Variants in SLAIN1 observed in about 807,000 individuals in gnomAD.
SLAIN1 encodes the protein SLAIN motif-containing protein 1.
A neutral mutation model predicts 55.4 loss-of-function variants in SLAIN1; 17 were observed. The observed-to-expected ratio is 0.31, with a 90% CI of 0.21 to 0.46. SLAIN1 has a LOEUF of 0.46. Ranked by LOEUF, SLAIN1 falls within the 20% of genes least tolerant of loss-of-function variation. The pLI, the probability that SLAIN1 is intolerant of heterozygous loss-of-function variation, is 1.00. For missense variants in SLAIN1, 682 were observed against 785.1 expected, an observed-to-expected ratio of 0.87 and a Z score of 1.57; for synonymous variants, 348 against 337.4, an observed-to-expected ratio of 1.03 and a Z score of -0.35.
intron 1 of SLAIN1, among the ~76,000 whole-genome samples, chr13:77,709,357 C>T (rs1348076213): frequency 6.6e-6 from 1 of 152,094 alleles, no homozygotes; most frequent in Admixed American, 6.5e-5. Context: ...ATCCAGGAGA[C>T]CTTTCCCAAC....
chr13:77,760,482 C>G (rs560425953), intron 5 of SLAIN1, among the ~76,000 whole-genome samples: 1 of 152,154 alleles, frequency 6.6e-6, no homozygotes, highest in East Asian at 1.9e-4. Context: ...GAACCACCAC[C>G]AAAGCAAGCA....
chr13:77,739,114 C>T (rs966536934), intron 2 of SLAIN1, among the ~76,000 whole-genome samples: 14 of 151,832 alleles, frequency 9.2e-5, no homozygotes, highest in Admixed American at 9.2e-4. Flanking sequence ...TAGTTGGAAA[C>T]CGGAAGATTG....
rs370568244 is a variant in SLAIN1 at position 77,713,358 on chromosome 13, C to T, written c.627-6174C>T. Reference sequence around the variant, plus strand: ...AAAAACAACCCCATCAAAAAGTGGGCGAAGGATATGAACAGACACTTCTCA... The same window carrying T: ...AAAAACAACCCCATCAAAAAGTGGGTGAAGGATATGAACAGACACTTCTCA... On this transcript the variant is annotated intron_variant, in intron 1 of 6. Transcript: ENST00000418532. Among the ~76,000 whole-genome samples, 57 of 152,196 alleles carry T rather than the reference C, an allele frequency of 3.7e-4. 1 individual carries two copies. In the South Asian group the frequency reaches 6.8e-3, roughly 18 times the overall value.
chr13:77,746,737 T>C lies in SLAIN1; in HGVS notation c.1140T>C (p.Ile380=). The change falls in exon 4 of 7, where the codon ATT becomes ATC. Residue 380 remains isoleucine (I), a synonymous_variant. Transcript: ENST00000418532. ...GIPHSQTFSS[I]RECRRSPSSQ... is the part of the protein sequence containing the mutation. Reference sequence around the variant, plus strand: ...CCCATTCACAGACTTTCTCCAGCATTCGGGAGTGTAGGAGGAGCCCCAGTT... The same window carrying C: ...CCCATTCACAGACTTTCTCCAGCATCCGGGAGTGTAGGAGGAGCCCCAGTT... 6.2e-7 allele frequency: 1 copy of C among 1,613,886 alleles called. No individual in the cohort carries two copies. Among genetic ancestry groups the C allele is most frequent in the Non-Finnish European group, 8.5e-7 (1 of 1,179,840 alleles).
At chr13:77,761,469 C>T (rs1213561000) in intron 6 of SLAIN1, among the ~76,000 whole-genome samples, 1 of 152,148 alleles carries the variant, frequency 6.6e-6, no homozygotes, top group Non-Finnish European at 1.5e-5. Context: ...CAGCTCTATC[C>T]AAAAATTGTA....
chr13:77,736,792 C>CTT (rs1368659388), intron 2 of SLAIN1, among the ~76,000 whole-genome samples: 99 of 143,746 alleles, frequency 6.9e-4, no homozygotes, highest in African/African-American at 2.4e-3. Flanking sequence ...CTGCATTAGT[C>CTT]TTTTTTTTTT....
intron 1 of SLAIN1, among the ~76,000 whole-genome samples, chr13:77,706,129 C>A (rs764952914): frequency 6.6e-6 from 1 of 152,106 alleles, no homozygotes; most frequent in Non-Finnish European, 1.5e-5. Context: ...CTAGCTGTTT[C>A]TTTTTCCTAA....
chr13:77,761,039 A>C lies in SLAIN1; in HGVS notation c.1626A>C (p.Ala542=). 1.2e-6 allele frequency: 2 copies of C among 1,614,106 alleles called. No homozygotes were observed. Among genetic ancestry groups the C allele is most frequent in the East Asian group, 2.2e-5 (1 of 44,884 alleles). The change falls in exon 6 of 7, where the codon GCA becomes GCC. Residue 542 remains alanine (A), a synonymous_variant. Coordinates refer to ENST00000418532, the MANE Select transcript of SLAIN1 (RefSeq NM_001242868.2). ...AAASGIMGRS[A]LPRPSLAING... ...CTTCTGGGATAATGGGTCGCAGTGC[A>C]CTCCCAAGACCTTCGTTGGCAATAA... is the stretch of plus-strand genomic sequence containing the variant.
At chr13:77,711,710 C>G (rs1165450766) in intron 1 of SLAIN1, among the ~76,000 whole-genome samples, 1 of 152,152 alleles carries the variant, frequency 6.6e-6, no homozygotes, top group Non-Finnish European at 1.5e-5. Flanking sequence ...AGGGGCTCCT[C>G]CCTAACTCAT....
chr13:77,763,321 T>C lies in SLAIN1; in HGVS notation c.*101T>C. Reference sequence around the variant, plus strand: ...GTGGATGTTGGGATATTCTTTCCCTTTTGTGTTTTAATATATTTACTGCAT... The same window carrying C: ...GTGGATGTTGGGATATTCTTTCCCTCTTGTGTTTTAATATATTTACTGCAT... On this transcript the variant is annotated 3_prime_UTR_variant, in exon 7 of 7. Coordinates refer to ENST00000418532, the MANE Select transcript of SLAIN1 (RefSeq NM_001242868.2). 3.4e-6 allele frequency: 3 copies of C among 889,874 alleles called. No homozygotes were observed. Among genetic ancestry groups the C allele is most frequent in the Non-Finnish European group, 3.6e-6 (2 of 555,600 alleles). The allele number at this position is 889,874 out of a possible 1,614,324, so 55.1% of individuals were successfully genotyped here. A position where few individuals can be genotyped will look rare whatever the true frequency, so the allele number is the denominator to read the frequency against.
chr13:77,760,547 C>A (rs1874935277), intron 5 of SLAIN1, among the ~76,000 whole-genome samples: 1 of 152,194 alleles, frequency 6.6e-6, no homozygotes, highest in Non-Finnish European at 1.5e-5. Context: ...CTTGTGAGAA[C>A]TCAGACATCA....
At chr13:77,708,394 G>A (rs982596053) in intron 1 of SLAIN1, among the ~76,000 whole-genome samples, 3 of 152,198 alleles carry the variant, frequency 2.0e-5, no homozygotes, top group Non-Finnish European at 4.4e-5. Context: ...AGGCAGAGCC[G>A]TGCTTTAGAT....
At position 77,746,675 on chromosome 13, in the gene SLAIN1, C is replaced by T. The variant is rs769592180; in HGVS notation, c.1078C>T (p.Arg360Cys). The T allele has an allele frequency of 7.4e-6, 12 of 1,613,656 alleles. No individual in the cohort carries two copies. The highest frequency in any genetic ancestry group is 4.0e-5 in the African/African-American group (3 of 74,880). The change falls in exon 4 of 7, where the codon CGT becomes TGT. Residue 360 changes from arginine (R) to cysteine (C), a missense_variant. This residue lies in a region of SLAIN1 where 244 missense variants were observed against 295.2 expected (regional missense o/e 0.83). Transcript: ENST00000418532. ...TGATCATTTGCCACCACCTCAGCCT[C>T]GTCTTCCAAGATGTTCCCCTTTCCA... ...EFDHLPPPQP[R>C]LPRCSPFQRG...
intron 2 of SLAIN1, 47 bp from the exon 3 acceptor site, chr13:77,744,236 A>G (rs562759019): frequency 1.6e-5 from 21 of 1,296,706 alleles, no homozygotes; most frequent in Middle Eastern, 3.7e-4. Flanking sequence ...GCATGTATAG[A>G]TATCAGTCCT....
intron 4 of SLAIN1, among the ~76,000 whole-genome samples, chr13:77,751,322 GA>G (rs1033337206): frequency 4.7e-4 from 71 of 152,052 alleles, no homozygotes; most frequent in African/African-American, 1.6e-3. Flanking sequence ...TTTTATTTGG[GA>G]AAAAATTTAA....
chr13:77,752,887 C>T (rs1319917921), intron 4 of SLAIN1, among the ~76,000 whole-genome samples: 1 of 152,166 alleles, frequency 6.6e-6, no homozygotes, highest in Non-Finnish European at 1.5e-5. Context: ...GTGGGTCTAC[C>T]CCTCCCAGTC....
intron 5 of SLAIN1, among the ~76,000 whole-genome samples, chr13:77,754,042 T>A (rs1201014720): frequency 6.6e-6 from 1 of 152,146 alleles, no homozygotes; most frequent in Non-Finnish European, 1.5e-5. Context: ...ACTCATGCTG[T>A]CTATATGGGT....
intron 2 of SLAIN1, among the ~76,000 whole-genome samples, chr13:77,725,724 T>C (rs2091301591): frequency 6.6e-6 from 1 of 152,188 alleles, no homozygotes; most frequent in South Asian, 2.1e-4. Context: ...AACCCTCTTC[T>C]ACCTTATTTC....
chr13:77,739,635 T>G (rs1410729550), intron 2 of SLAIN1, among the ~76,000 whole-genome samples: 1 of 152,256 alleles, frequency 6.6e-6, no homozygotes, highest in East Asian at 1.9e-4. Context: ...TTGAATACTT[T>G]GAGTCTAAGC....
Sources: allele counts gnomAD v4.1 joint callset (sites outside exome capture counted in the v4.1 genomes callset), GRCh38; gene constraint gnomAD v4.1.1; regional missense constraint gnomAD v4.1.1; transcripts MANE v1.5; gene names NCBI Gene and HGNC (gene_info 2026-07-23, HGNC 2026-07-21).